Variants in PPFIA2 observed in about 807,000 individuals in gnomAD.
PPFIA2 encodes liprin-alpha-2.
Under a neutral mutation model 175.5 loss-of-function variants are expected in PPFIA2, and 46 were observed. The ratio of observed to expected loss-of-function variants is 0.26; its 90% CI spans 0.21 to 0.34. The LOEUF (loss-of-function observed/expected upper bound fraction) is 0.34. Ranked by LOEUF, PPFIA2 falls within the 10% of genes least tolerant of loss-of-function variation. The pLI, the probability that PPFIA2 is intolerant of heterozygous loss-of-function variation, is 1.00. For synonymous variants in PPFIA2, 568 were observed against 511.4 expected, an observed-to-expected ratio of 1.11 and a Z score of -1.49; for missense variants, 1,179 against 1,506.1, an observed-to-expected ratio of 0.78 and a Z score of 3.60.
At chr12:81,636,853 A>C (rs1284014081) in intron 4 of PPFIA2, among the ~76,000 whole-genome samples, 1 of 151,094 alleles carries the variant, frequency 6.6e-6, no homozygotes, top group Non-Finnish European at 1.5e-5. Flanking sequence ...GGGTTTCACT[A>C]TGTGGGCCAG....
intron 4 of PPFIA2, among the ~76,000 whole-genome samples, chr12:81,540,036 A>T (rs2065967382): frequency 6.6e-6 from 1 of 151,968 alleles, no homozygotes; most frequent in African/African-American, 2.4e-5. Flanking sequence ...AATTCCCACA[A>T]TGTGGAAAAA....
chr12:81,404,306 G>A (rs2042550401), intron 8 of PPFIA2, among the ~76,000 whole-genome samples: 1 of 152,068 alleles, frequency 6.6e-6, no homozygotes, highest in African/African-American at 2.4e-5. Flanking sequence ...ACAATAATTT[G>A]TAGCCTTTTA....
At chr12:81,679,860 G>C (rs572308859) in intron 3 of PPFIA2, among the ~76,000 whole-genome samples, 138 of 151,876 alleles carry the variant, frequency 9.1e-4, no homozygotes, top group Admixed American at 5.3e-4. Flanking sequence ...AGTGTGCATG[G>C]ATACATTTAT....
At chr12:81,453,143 C>T in intron 5 of PPFIA2, among the ~76,000 whole-genome samples, 1 of 106,144 alleles carries the variant, frequency 9.4e-6, no homozygotes, top group South Asian at 4.0e-4. Flanking sequence ...TATCCCTCCC[C>T]CCTCCCCCCA....
chr12:81,353,381 C>T (rs1270791395), intron 16 of PPFIA2, 42 bp from the exon 17 acceptor site: 3 of 1,406,670 alleles, frequency 2.1e-6, no homozygotes, highest in East Asian at 4.6e-5. Flanking sequence ...TATCATATTG[C>T]TCATTTTCAA....
At chr12:81,626,297 T>G (rs1052002489) in intron 4 of PPFIA2, among the ~76,000 whole-genome samples, 2 of 152,070 alleles carry the variant, frequency 1.3e-5, no homozygotes, top group African/African-American at 4.8e-5. Context: ...TTTCAAGCTT[T>G]TTATGTTGTT....
At chr12:81,513,560 G>A (rs1051153552) in intron 4 of PPFIA2, among the ~76,000 whole-genome samples, 1 of 151,880 alleles carries the variant, frequency 6.6e-6, no homozygotes, top group African/African-American at 2.4e-5. Flanking sequence ...ATTTATAGAA[G>A]AGCTATAAAG....
At chr12:81,751,453 T>C (rs2083766234) in intron 3 of PPFIA2, among the ~76,000 whole-genome samples, 1 of 151,214 alleles carries the variant, frequency 6.6e-6, no homozygotes, top group South Asian at 2.1e-4. Flanking sequence ...ATTCATAGAA[T>C]TATCTTCAGA....
chr12:81,609,041 A>T (rs2060622871), intron 4 of PPFIA2, among the ~76,000 whole-genome samples: 1 of 151,950 alleles, frequency 6.6e-6, no homozygotes, highest in Admixed American at 6.6e-5. Context: ...ATGTTCACCC[A>T]GGGATTATTC....
chr12:81,530,300 T>C (rs2064331500), intron 4 of PPFIA2, among the ~76,000 whole-genome samples: 1 of 151,936 alleles, frequency 6.6e-6, no homozygotes, highest in African/African-American at 2.4e-5. Context: ...ATATTCAGAA[T>C]ACAAATGAAC....
intron 4 of PPFIA2, among the ~76,000 whole-genome samples, chr12:81,499,611 T>G (rs2060385872): frequency 6.6e-6 from 1 of 152,156 alleles, no homozygotes; most frequent in African/African-American, 2.4e-5. Context: ...AAATCTGAGA[T>G]GCCTATAAGG....
intron 4 of PPFIA2, among the ~76,000 whole-genome samples, chr12:81,480,691 T>C (rs1464206328): frequency 1.3e-5 from 2 of 152,112 alleles, no homozygotes; most frequent in Non-Finnish European, 2.9e-5. Flanking sequence ...CTGCTTGAGT[T>C]TGCTAGAAGT....
chr12:81,369,503 C>A (rs2034514076), intron 11 of PPFIA2: 1 of 1,006,864 alleles, frequency 9.9e-7, no homozygotes, highest in Non-Finnish European at 1.3e-6. Context: ...GCTCCTGAAG[C>A]ACTGAACTGC....
chr12:81,678,944 AT>A (rs201985567), intron 3 of PPFIA2, among the ~76,000 whole-genome samples: 13 of 151,984 alleles, frequency 8.6e-5, no homozygotes, highest in African/African-American at 2.2e-4. Context: ...CATAAAAAAA[AT>A]CAACTCATCT....
chr12:81,263,262 G>A lies in PPFIA2; in HGVS notation c.3684C>T (p.Thr1228=). The A allele has an allele frequency of 6.2e-7, 1 of 1,611,290 alleles. No individual in the cohort carries two copies. Among genetic ancestry groups the A allele is most frequent in the Non-Finnish European group, 8.5e-7 (1 of 1,178,294 alleles). The change falls in exon 31 of 33, where the codon ACC becomes ACT. Residue 1228 remains threonine (T), a synonymous_variant. Transcript: ENST00000549396. ...TTGTCATTTTTCTTGACTGCCCAGA[G>A]GTTGTGGTTAACCTAAATCCAGCTG... The part of the protein sequence containing the change: ...TLPAGFRLTT[T]SGQSRKMTTD...
At chr12:81,291,874 G>C (rs1285817187) in intron 24 of PPFIA2, among the ~76,000 whole-genome samples, 2 of 152,012 alleles carry the variant, frequency 1.3e-5, no homozygotes, top group African/African-American at 4.8e-5. Context: ...CTGACCAAAA[G>C]GAAAGATGTT....
Position 81,639,547 on chromosome 12 carries a change from A to AAAT in PPFIA2, c.303+37243_303+37244insATT, listed in dbSNP as rs1555546665. Among the ~76,000 whole-genome samples, 4 of 151,292 alleles carry AAAT rather than the reference A, an allele frequency of 2.6e-5. No individual in the cohort carries two copies. The East Asian group carries it at 5.8e-4, about 22-fold the overall frequency. On this transcript the variant is annotated intron_variant, in intron 4 of 32. Transcript: ENST00000549396. The stretch of plus-strand genomic sequence containing the variant: ...CAAAGAACATCTACTCGGTAAAAAA[A>AAAT]ATATATATATATATAGTATTCCTAA...
chr12:81,341,119 C>A lies in PPFIA2; in HGVS notation c.2352G>T (p.Met784Ile), dbSNP rs1285542067. The stretch of plus-strand genomic sequence containing the variant: ...GGTAGGAAGAAGGGAGAGTGTGAGT[C>A]ATTCTGAGGGCTCTAGGGGTAGGAG... ...SPPPTPRALR[M>I]THTLPSSYHN... is the part of the protein sequence containing the mutation. Residue 784 changes from methionine to isoleucine, a missense_variant, in exon 20 of 33, where the codon ATG (methionine) becomes ATT (isoleucine). Met to Ile is a conservative substitution (Grantham distance 10, BLOSUM62 1). This residue lies in a region of PPFIA2 where 223 missense variants were observed against 241.6 expected (regional missense o/e 0.92). Transcript: ENST00000549396. 2 of 1,611,306 alleles carry A rather than the reference C, an allele frequency of 1.2e-6. No individual in the cohort carries two copies. The highest frequency in any genetic ancestry group is 2.2e-5 in the East Asian group (1 of 44,808).
rs190446685 is a variant in PPFIA2 at position 81,507,501 on chromosome 12, C to T, written c.304-49635G>A. ...TGACTTTTTGTATCCAATACTCCAT[C>T]CAAGCTCTGTAGATGTTATCAAGGC... On this transcript the variant is annotated intron_variant, in intron 4 of 32. Coordinates refer to ENST00000549396, the MANE Select transcript of PPFIA2 (RefSeq NM_003625.5). Among the ~76,000 whole-genome samples the T allele has an allele frequency of 1.1e-4, 17 of 152,234 alleles. No individual in the cohort carries two copies. In the East Asian group the frequency reaches 3.1e-3, roughly 28 times the overall value.
Sources: gnomAD v4.1 joint callset for allele counts (sites outside exome capture counted in the v4.1 genomes callset) on GRCh38, gnomAD v4.1.1 for gene constraint, gnomAD v4.1.1 regional missense constraint, MANE v1.5 for transcripts, NCBI Gene and HGNC (gene_info 2026-07-23, HGNC 2026-07-21) for gene names.